The following LSAMP variants were observed in gnomAD, a reference collection of about 807,000 sequenced individuals.
LSAMP encodes the protein limbic system associated membrane protein.
LSAMP carries 7 observed loss-of-function variants against 38.6 expected under a neutral mutation model. The observed-to-expected ratio is 0.18, with a 90% CI of 0.10 to 0.34. The LOEUF (loss-of-function observed/expected upper bound fraction) is 0.34, where lower values mean the gene tolerates loss of function less well. Ranked by LOEUF, LSAMP falls within the 10% of genes least tolerant of loss-of-function variation. The pLI, the probability that LSAMP is intolerant of heterozygous loss-of-function variation, is 1.00. For missense variants in LSAMP, 313 were observed against 420.0 expected (o/e 0.75, Z 2.23); for synonymous variants, 154 against 166.8 (o/e 0.92, Z 0.59).
At chr3:116,328,235 G>A (rs1418406796) in intron 1 of LSAMP, among the ~76,000 whole-genome samples, 1 of 152,100 alleles carries the variant, frequency 6.6e-6, no homozygotes, top group Non-Finnish European at 1.5e-5. Context: ...TTGCCACCTT[G>A]CATCCCTTTC....
At chr3:116,390,398 G>A (rs917218813) in intron 1 of LSAMP, among the ~76,000 whole-genome samples, 1 of 152,110 alleles carries the variant, frequency 6.6e-6, no homozygotes, top group Non-Finnish European at 1.5e-5. Context: ...AGCGGGATCT[G>A]CAAGAATGGG....
chr3:116,275,138 G>A (rs1300434921), intron 1 of LSAMP, among the ~76,000 whole-genome samples: 1 of 151,988 alleles, frequency 6.6e-6, no homozygotes, highest in African/African-American at 2.4e-5. Flanking sequence ...CTGCAACCTT[G>A]AATTCACACA....
chr3:116,066,171 G>A (rs887228976), intron 2 of LSAMP, among the ~76,000 whole-genome samples: 47 of 152,080 alleles, frequency 3.1e-4, no homozygotes, highest in African/African-American at 9.9e-4. Flanking sequence ...TTTTCACTTT[G>A]TCCTCACAGA....
rs149827117 is a variant in LSAMP at position 115,826,579 on chromosome 3, C to T, written c.919+15266G>A. Among the ~76,000 whole-genome samples, 44 of 152,262 alleles carry T rather than the reference C, an allele frequency of 2.9e-4. No homozygotes were observed. The East Asian group carries it at 7.1e-3, about 25-fold the overall frequency. ...TACTTCTCCATTTGGTCTGTAAACC[C>T]TCTTAGTGCAGAGGCTGTACCTGCT... On this transcript the variant is annotated intron_variant, in intron 6 of 6. Transcript: ENST00000490035.
At chr3:116,442,897 A>G (rs1299245156) in intron 1 of LSAMP, among the ~76,000 whole-genome samples, 3 of 152,260 alleles carry the variant, frequency 2.0e-5, no homozygotes, top group Non-Finnish European at 4.4e-5. Flanking sequence ...ATAGATATGT[A>G]TACAGTGAGA....
intron 3 of LSAMP, among the ~76,000 whole-genome samples, chr3:115,984,469 C>T (rs1939454675): frequency 6.6e-6 from 1 of 152,028 alleles, no homozygotes; most frequent in South Asian, 2.1e-4. Context: ...TACTGAGAGT[C>T]TACTATAGGT....
At chr3:116,355,983 G>T (rs376729390) in intron 1 of LSAMP, among the ~76,000 whole-genome samples, 1 of 152,168 alleles carries the variant, frequency 6.6e-6, no homozygotes, top group Non-Finnish European at 1.5e-5. Flanking sequence ...TGGTGAGAAT[G>T]TAAATTAGTA....
intron 1 of LSAMP, among the ~76,000 whole-genome samples, chr3:116,114,513 C>G (rs1483984472): frequency 6.8e-6 from 1 of 147,994 alleles, no homozygotes; most frequent in Non-Finnish European, 1.5e-5. Context: ...TTTTTTTTTT[C>G]CCCTGGGGAC....
chr3:116,113,758 CTG>C (rs916224654), intron 1 of LSAMP, among the ~76,000 whole-genome samples: 2 of 152,076 alleles, frequency 1.3e-5, no homozygotes, highest in Non-Finnish European at 2.9e-5. Context: ...TTGTTACACA[CTG>C]TTGTTGATAC....
In LSAMP at chr3:116,215,438, T is replaced by G. The variant is rs1041061647; in HGVS notation, c.156-128882A>C. 1.3e-4 allele frequency among the ~76,000 whole-genome samples: 20 copies of G among 152,148 alleles called. 1 individual carries two copies. The highest frequency in any genetic ancestry group is 4.8e-4 in the African/African-American group (20 of 41,446). On this transcript the variant is annotated intron_variant, in intron 1 of 6. Coordinates refer to ENST00000490035, the MANE Select transcript of LSAMP (RefSeq NM_002338.5). Reference sequence around the variant, plus strand: ...AGCACTCACTGCCTTAGGACCTTTTTTTTTTGGCCCGCTGCTGCAAGAAGA... The same window carrying G: ...AGCACTCACTGCCTTAGGACCTTTTGTTTTTGGCCCGCTGCTGCAAGAAGA...
chr3:115,898,105 G>C (rs910120527), intron 3 of LSAMP, among the ~76,000 whole-genome samples: 1 of 152,120 alleles, frequency 6.6e-6, no homozygotes, highest in African/African-American at 2.4e-5. Context: ...AGAAACCTGG[G>C]ACAATGGGGA....
intron 1 of LSAMP, among the ~76,000 whole-genome samples, chr3:116,230,575 G>A (rs1209290088): frequency 6.6e-6 from 1 of 152,074 alleles, no homozygotes; most frequent in Non-Finnish European, 1.5e-5. Flanking sequence ...TAGTCCATAG[G>A]CTATGTCACC....
intron 2 of LSAMP, among the ~76,000 whole-genome samples, chr3:116,057,961 A>C (rs367903034): frequency 2.8e-4 from 23 of 82,720 alleles, no homozygotes; most frequent in African/African-American, 1.0e-3. Flanking sequence ...ACACACCCAC[A>C]CACACACACA....
chr3:116,141,059 T>C (rs554798919), intron 1 of LSAMP, among the ~76,000 whole-genome samples: 2 of 152,104 alleles, frequency 1.3e-5, no homozygotes, highest in South Asian at 2.1e-4. Flanking sequence ...GAAAATGCCA[T>C]TGCCCACTGT....
intron 1 of LSAMP, among the ~76,000 whole-genome samples, chr3:116,253,202 T>C (rs2046707389): frequency 7.1e-6 from 1 of 140,168 alleles, no homozygotes; most frequent in Admixed American, 7.5e-5. Context: ...CTTAAATAAA[T>C]ACAGAATACG....
intron 1 of LSAMP, among the ~76,000 whole-genome samples, chr3:116,095,215 T>C (rs568829057): frequency 6.6e-6 from 1 of 152,178 alleles, no homozygotes; most frequent in South Asian, 2.1e-4. Flanking sequence ...TTTCTGTGAT[T>C]AGGCTACCAC....
At chr3:116,401,286 C>A (rs1187537038) in intron 1 of LSAMP, among the ~76,000 whole-genome samples, 2 of 151,920 alleles carry the variant, frequency 1.3e-5, no homozygotes, top group African/African-American at 4.8e-5. Context: ...CCCTTGGTGA[C>A]ATTTTTTTTT....
chr3:116,371,798 C>A (rs570878252), intron 1 of LSAMP, among the ~76,000 whole-genome samples: 2 of 152,140 alleles, frequency 1.3e-5, no homozygotes, highest in South Asian at 4.1e-4. Flanking sequence ...AAAGATCACA[C>A]ACACACACCT....
At chr3:116,420,060 G>A (rs1304684619) in intron 1 of LSAMP, among the ~76,000 whole-genome samples, 1 of 151,738 alleles carries the variant, frequency 6.6e-6, no homozygotes, top group Admixed American at 6.6e-5. Flanking sequence ...AGCTACCTGT[G>A]CCTAGCACAG....
Sources: allele counts gnomAD v4.1 joint callset (sites outside exome capture counted in the v4.1 genomes callset), GRCh38; gene constraint gnomAD v4.1.1; transcripts MANE v1.5; gene names NCBI Gene and HGNC (gene_info 2026-07-23, HGNC 2026-07-21).